Variants in EPS15 observed in about 807,000 individuals in gnomAD.
EPS15 encodes epidermal growth factor receptor substrate 15.
EPS15 carries 72 observed loss-of-function variants against 113.8 expected under a neutral mutation model. The ratio of observed to expected loss-of-function variants is 0.63; its 90% CI spans 0.52 to 0.77. The LOEUF (loss-of-function observed/expected upper bound fraction) is 0.77. Ranked by LOEUF, EPS15 falls within the 30% of genes least tolerant of loss-of-function variation. The probability of loss-of-function intolerance (pLI) is 0.00; values close to 1 mark genes in which losing one functional copy is unlikely to be tolerated. For missense variants in EPS15, 1,048 were observed against 1,045.8 expected, an observed-to-expected ratio of 1.00 and a Z score of -0.03; for synonymous variants, 344 against 363.4, an observed-to-expected ratio of 0.95 and a Z score of 0.61.
chr1:51,483,339 T>C (rs1644055567), intron 1 of EPS15, among the ~76,000 whole-genome samples: 1 of 151,994 alleles, frequency 6.6e-6, no homozygotes, highest in Non-Finnish European at 1.5e-5. Context: ...ATTTATAAAT[T>C]AAACTTTATC....
chr1:51,393,497 C>A (rs1000806535), intron 21 of EPS15, among the ~76,000 whole-genome samples: 1 of 152,238 alleles, frequency 6.6e-6, no homozygotes, highest in African/African-American at 2.4e-5. Context: ...CCACCGGGCC[C>A]AGGCTCCTGT....
chr1:51,438,543 C>T (rs776978874), intron 12 of EPS15, among the ~76,000 whole-genome samples: 43 of 152,164 alleles, frequency 2.8e-4, no homozygotes, highest in Middle Eastern at 3.4e-3. Flanking sequence ...TCAAGCAAGT[C>T]CTAGAACATT....
At chr1:51,435,640 C>T (rs1359853021) in intron 12 of EPS15, among the ~76,000 whole-genome samples, 1 of 152,124 alleles carries the variant, frequency 6.6e-6, no homozygotes, top group Non-Finnish European at 1.5e-5. Flanking sequence ...ACATACTTTG[C>T]GTCATTCATT....
chr1:51,372,069 T>C (rs1169071069), intron 21 of EPS15, among the ~76,000 whole-genome samples: 3 of 152,248 alleles, frequency 2.0e-5, no homozygotes, highest in Non-Finnish European at 1.5e-5. Flanking sequence ...TCAGTACACT[T>C]TCTGATGTTC....
intron 24 of EPS15, among the ~76,000 whole-genome samples, chr1:51,357,405 T>A (rs1384293317): frequency 3.6e-4 from 19 of 52,148 alleles, no homozygotes; most frequent in African/African-American, 1.6e-3. Flanking sequence ...TATATATATA[T>A]ATATATATAT....
intron 12 of EPS15, among the ~76,000 whole-genome samples, chr1:51,427,528 G>A (rs192802593): frequency 6.6e-6 from 1 of 152,256 alleles, no homozygotes; most frequent in African/African-American, 2.4e-5. Flanking sequence ...AAGCACTGTG[G>A]GACAGGTAAG....
intron 13 of EPS15, among the ~76,000 whole-genome samples, chr1:51,419,914 T>A (rs1650587405): frequency 6.6e-6 from 1 of 152,110 alleles, no homozygotes; most frequent in East Asian, 1.9e-4. Context: ...ACTATCCACA[T>A]CATTCTTAGT....
intron 12 of EPS15, chr1:51,423,215 CA>C: frequency 7.8e-7 from 1 of 1,288,908 alleles, no homozygotes. Context: ...AACCGTTTGT[CA>C]GATGGGTCGC....
At chr1:51,370,552 T>C (rs939202053) in intron 21 of EPS15, among the ~76,000 whole-genome samples, 1 of 152,102 alleles carries the variant, frequency 6.6e-6, no homozygotes, top group South Asian at 2.1e-4. Context: ...TAAACAACTA[T>C]GTTACTGGTT....
chr1:51,385,065 A>G (rs1357150053), intron 21 of EPS15, among the ~76,000 whole-genome samples: 1 of 152,222 alleles, frequency 6.6e-6, no homozygotes, highest in Non-Finnish European at 1.5e-5. Flanking sequence ...CAAAGGCAAC[A>G]ACAACACAAT....
At chr1:51,427,151 T>A (rs567129227) in intron 12 of EPS15, among the ~76,000 whole-genome samples, 1 of 152,160 alleles carries the variant, frequency 6.6e-6, no homozygotes, top group African/African-American at 2.4e-5. Flanking sequence ...CCAGTTTACA[T>A]AGTAGATGCT....
At chr1:51,398,303 T>A (rs1372362634) in intron 20 of EPS15, among the ~76,000 whole-genome samples, 1 of 152,204 alleles carries the variant, frequency 6.6e-6, no homozygotes, top group Non-Finnish European at 1.5e-5. Context: ...TCCGCCCACC[T>A]CAGCCTCCCA....
intron 8 of EPS15, chr1:51,457,902 C>G (rs1342915769): frequency 6.6e-6 from 1 of 151,756 alleles, no homozygotes; most frequent in East Asian, 1.9e-4. Context: ...TGATAATAAG[C>G]AACAGTAAGA....
chr1:51,451,966 C>A (rs1385741743), intron 8 of EPS15, among the ~76,000 whole-genome samples: 5 of 151,962 alleles, frequency 3.3e-5, no homozygotes, highest in Non-Finnish European at 7.4e-5. Context: ...ACTACAACCT[C>A]CGTCTCCTGG....
At chr1:51,417,371 TTG>T (rs1299822874) in intron 13 of EPS15, among the ~76,000 whole-genome samples, 1 of 152,212 alleles carries the variant, frequency 6.6e-6, no homozygotes, top group Non-Finnish European at 1.5e-5. Flanking sequence ...TCCAGTTATA[TTG>T]TCTTATTTTA....
intron 5 of EPS15, among the ~76,000 whole-genome samples, chr1:51,467,838 C>T (rs1020568141): frequency 3.0e-4 from 45 of 152,262 alleles, no homozygotes; most frequent in African/African-American, 1.0e-3. Context: ...TGAAACCATC[C>T]ATCCCTCCCA....
At chr1:51,492,544 C>G (rs1222319641) in intron 1 of EPS15, among the ~76,000 whole-genome samples, 1 of 152,132 alleles carries the variant, frequency 6.6e-6, no homozygotes, top group East Asian at 1.9e-4. Flanking sequence ...AAGACCATAT[C>G]ACCAACTCAA....
intron 21 of EPS15, among the ~76,000 whole-genome samples, chr1:51,371,296 A>G (rs116803541): frequency 0.032 from 4,859 of 152,228 alleles, 124 homozygotes; most frequent in Non-Finnish European, 0.05. Flanking sequence ...CCTTCAGGAG[A>G]TATACCAGAA....
At chr1:51,460,746 G>C (rs893358860) in intron 8 of EPS15, among the ~76,000 whole-genome samples, 1 of 152,170 alleles carries the variant, frequency 6.6e-6, no homozygotes, top group African/African-American at 2.4e-5. Context: ...TTGAGGTCAG[G>C]AGTTCAAGAC....
Sources: allele counts gnomAD v4.1 joint callset (sites outside exome capture counted in the v4.1 genomes callset), GRCh38; gene constraint gnomAD v4.1.1; transcripts MANE v1.5; gene names NCBI Gene and HGNC (gene_info 2026-07-23, HGNC 2026-07-21).